CUX2: variants seen among roughly 807,000 people sequenced by gnomAD.
CUX2 encodes cut like homeobox 2, also known as homeobox protein cut-like 2.
A neutral mutation model predicts 144.8 loss-of-function variants in CUX2; 40 were observed. That is an observed-to-expected ratio of 0.28 (90% CI 0.21 to 0.36). The LOEUF is 0.36. CUX2 is among the 10% of genes least tolerant of loss of function. The pLI is 1.00. For missense variants in CUX2, 1,615 were observed against 1,994.0 expected, an observed-to-expected ratio of 0.81 and a Z score of 3.62; for synonymous variants, 827 against 875.6, an observed-to-expected ratio of 0.94 and a Z score of 0.98.
chr12:111,165,512 G>A (rs1250984116), intron 1 of CUX2, among the ~76,000 whole-genome samples: 1 of 152,242 alleles, frequency 6.6e-6, no homozygotes, highest in African/African-American at 2.4e-5. Context: ...CAGAGAACAT[G>A]AACTTTAAAA....
intron 1 of CUX2, among the ~76,000 whole-genome samples, chr12:111,175,515 C>T (rs1363995953): frequency 6.6e-6 from 1 of 152,100 alleles, no homozygotes; most frequent in Non-Finnish European, 1.5e-5. Flanking sequence ...TAGAGCAGCA[C>T]CCCATGCCTT....
chr12:111,338,041 GA>G (rs1295048617), intron 19 of CUX2, among the ~76,000 whole-genome samples: 1,724 of 136,558 alleles, frequency 0.013, 27 homozygotes, highest in African/African-American at 0.037. Context: ...CTCAAAAAAA[GA>G]AAAAAAAAAA....
chr12:111,061,178 GCACACACACACACACA>G lies in CUX2; in HGVS notation c.63+26961_63+26976del, dbSNP rs10525230. On this transcript the variant is annotated intron_variant, in intron 1 of 21. Coordinates refer to ENST00000261726, the MANE Select transcript of CUX2 (RefSeq NM_015267.4). This position sits in a 1 kb window ranked among gnomAD's most constrained non-coding sequence, Gnocchi z 4.2. ...TGTCCCCAGATGTGTGCATGCATAT[GCACACACACACACACA>G]CACACACACACACACACACACAGCA... Among the ~76,000 whole-genome samples, 651 of 143,728 alleles carry G rather than the reference GCACACACACACACACA, an allele frequency of 4.5e-3. 3 individuals are homozygous for G. The highest frequency in any genetic ancestry group is 0.016 in the African/African-American group (613 of 39,344). The allele number at this position is 143,728 out of a possible 152,430, so 94.3% of individuals were successfully genotyped here. A position where few individuals can be genotyped will look rare whatever the true frequency, so the allele number is the denominator to read the frequency against.
intron 1 of CUX2, among the ~76,000 whole-genome samples, chr12:111,094,306 A>G (rs930463481): frequency 2.0e-5 from 3 of 152,182 alleles, no homozygotes; most frequent in African/African-American, 7.2e-5. Flanking sequence ...AGCCCTGGCC[A>G]CCTCATTGTG....
At chr12:111,094,621 C>T (rs1872717821) in intron 1 of CUX2, among the ~76,000 whole-genome samples, 1 of 152,200 alleles carries the variant, frequency 6.6e-6, no homozygotes, top group South Asian at 2.1e-4. Context: ...CCTCAACCTC[C>T]CCAGTATCTG....
chr12:111,262,917 G>A (rs1024277640), intron 3 of CUX2, among the ~76,000 whole-genome samples: 1 of 152,138 alleles, frequency 6.6e-6, no homozygotes, highest in East Asian at 1.9e-4. Context: ...AGAATAACAG[G>A]TGTCACCAAC....
chr12:111,217,108 A>G (rs1881580203), intron 2 of CUX2, among the ~76,000 whole-genome samples: 1 of 152,154 alleles, frequency 6.6e-6, no homozygotes, highest in African/African-American at 2.4e-5. Context: ...AGAAGAATAC[A>G]TAGGAGTTTG....
At chr12:111,181,885 CTT>C (rs1224796756) in intron 1 of CUX2, among the ~76,000 whole-genome samples, 6 of 152,180 alleles carry the variant, frequency 3.9e-5, no homozygotes, top group Admixed American at 3.9e-4. Flanking sequence ...AAATCTCTCT[CTT>C]TGTTTGCCAT....
chr12:111,152,193 G>C (rs1188583832), intron 1 of CUX2, among the ~76,000 whole-genome samples: 1 of 152,078 alleles, frequency 6.6e-6, no homozygotes, highest in African/African-American at 2.4e-5. Context: ...GCTGAGGCAG[G>C]AGAATCACTT....
At chr12:111,047,417 G>A (rs867060256) in intron 1 of CUX2, among the ~76,000 whole-genome samples, 7 of 152,046 alleles carry the variant, frequency 4.6e-5, no homozygotes, top group African/African-American at 1.7e-4. Context: ...TCTACAGTTC[G>A]CGTTTTTACC....
At chr12:111,205,941 G>A (rs1182454043) in intron 1 of CUX2, among the ~76,000 whole-genome samples, 4 of 152,194 alleles carry the variant, frequency 2.6e-5, no homozygotes, top group Non-Finnish European at 5.9e-5. Context: ...AGGCACTGAG[G>A]ATATCTTGTT....
At position 111,085,899 on chromosome 12, in the gene CUX2, C is replaced by T. The variant is rs560183714; in HGVS notation, c.63+51659C>T. 1.4e-4 allele frequency among the ~76,000 whole-genome samples: 21 copies of T among 152,364 alleles called. No individual in the cohort carries two copies. The South Asian group carries it at 2.7e-3, about 20-fold the overall frequency. ...GGGCAGATGCTTGAAGCATTATTGT[C>T]ACATCAGTGAATGCTGGTGGAGAGA... On this transcript the variant is annotated intron_variant, in intron 1 of 21. Transcript: ENST00000261726.
chr12:111,133,045 C>T lies in CUX2; in HGVS notation c.64-81155C>T, dbSNP rs1018053232. On this transcript the variant is annotated intron_variant, in intron 1 of 21. Coordinates refer to ENST00000261726, the MANE Select transcript of CUX2 (RefSeq NM_015267.4). ...GTCTCTTTGCTAAAACATAACAAACCTTTGCTCCAGGTCCCCACAGGATCC... is the reference window on the plus strand; with the variant it reads ...GTCTCTTTGCTAAAACATAACAAACTTTTGCTCCAGGTCCCCACAGGATCC... Among the ~76,000 whole-genome samples, 11 of 152,278 alleles carry T rather than the reference C, an allele frequency of 7.2e-5. No homozygotes were observed. In the Middle Eastern group the frequency reaches 0.014, roughly 188 times the overall value.
intron 1 of CUX2, among the ~76,000 whole-genome samples, chr12:111,079,719 C>T (rs1229154128): frequency 1.3e-5 from 2 of 152,190 alleles, no homozygotes; most frequent in African/African-American, 2.4e-5. Context: ...GTTCTCCCAC[C>T]TGCTTTGTCC....
chr12:111,076,303 A>G (rs1429044408), intron 1 of CUX2, among the ~76,000 whole-genome samples: 1 of 152,236 alleles, frequency 6.6e-6, no homozygotes, highest in Non-Finnish European at 1.5e-5. Context: ...TATAATAGCA[A>G]TATTAACAAT....
In CUX2 at chr12:111,320,306, C is replaced by G. The variant is rs767801335; in HGVS notation, c.2297C>G (p.Ala766Gly). 6.3e-7 allele frequency: 1 copy of G among 1,597,710 alleles called. No homozygotes were observed. Among genetic ancestry groups the G allele is most frequent in the Non-Finnish European group, 8.5e-7 (1 of 1,179,060 alleles). ...QAPLPVLSPA[A>G]FVQSIIRKVK... ...CCGCTCCCGGTCCTGTCCCCCGCCG[C>G]CTTCGTGCAGAGCATCATCCGCAAG... is the stretch of plus-strand genomic sequence containing the variant. Residue 766 changes from alanine (A) to glycine (G), a missense_variant, in exon 17 of 22, where the codon GCC becomes GGC. Physicochemically the swap from Ala to Gly is moderately conservative, Grantham distance 60. Transcript: ENST00000261726. The surrounding 1 kb of genome is among the most constrained non-coding windows in gnomAD (Gnocchi z 8.1).
chr12:111,346,967 G>A (rs1021508104), intron 21 of CUX2, among the ~76,000 whole-genome samples: 2 of 152,192 alleles, frequency 1.3e-5, no homozygotes, highest in African/African-American at 4.8e-5. Context: ...AGCTGAGATC[G>A]CACCACTGCA....
intron 1 of CUX2, among the ~76,000 whole-genome samples, chr12:111,117,391 A>G (rs1270302791): frequency 6.6e-6 from 1 of 152,230 alleles, no homozygotes; most frequent in Non-Finnish European, 1.5e-5. Flanking sequence ...CCATGCTAGA[A>G]GTATGGAGAC....
rs1870743614 is a variant in CUX2, at chr12:111,061,024, G to T, written c.63+26784G>T. Among the ~76,000 whole-genome samples the T allele has an allele frequency of 6.6e-6, 1 of 152,178 alleles. No homozygotes were observed. Among genetic ancestry groups the T allele is most frequent in the Non-Finnish European group, 1.5e-5 (1 of 68,024 alleles). On this transcript the variant is annotated intron_variant, in intron 1 of 21. Coordinates refer to ENST00000261726, the MANE Select transcript of CUX2 (RefSeq NM_015267.4). The surrounding 1 kb of genome is among the most constrained non-coding windows in gnomAD (Gnocchi z 4.2). ...ACCTGCCACCTCCCAGCCTTGGGATGCCAGGACCTCCAGCTGGCCCTGCTG... is the reference window on the plus strand; with the variant it reads ...ACCTGCCACCTCCCAGCCTTGGGATTCCAGGACCTCCAGCTGGCCCTGCTG...
Sources: gnomAD v4.1 joint callset for allele counts (sites outside exome capture counted in the v4.1 genomes callset) on GRCh38, gnomAD v4.1.1 for gene constraint, Gnocchi (gnomAD v3.1) non-coding constraint, MANE v1.5 for transcripts, NCBI Gene and HGNC (gene_info 2026-07-23, HGNC 2026-07-21) for gene names.